ODF4: variants seen among roughly 807,000 people sequenced by gnomAD.
ODF4 encodes the protein outer dense fiber of sperm tails 4.
ODF4 carries 11 observed loss-of-function variants against 17.0 expected under a neutral mutation model. The ratio of observed to expected loss-of-function variants is 0.65; its 90% confidence interval spans 0.41 to 1.07. The LOEUF is 1.07. ODF4 is among the 50% of genes least tolerant of loss of function. The pLI is 0.00. For synonymous variants in ODF4, 127 were observed against 121.8 expected (o/e 1.04, Z -0.28); for missense variants, 281 against 310.2 (o/e 0.91, Z 0.71).
rs539649107 is a variant in ODF4 at position 8,344,528 on chromosome 17, C to A, written c.455-815C>A. ...GTTTTTTGTTTTTTGCAGGCGGCGTCTCGCTCTGTTGCCCAGGCTGGAGTG... is the reference window on the plus strand; with the variant it reads ...GTTTTTTGTTTTTTGCAGGCGGCGTATCGCTCTGTTGCCCAGGCTGGAGTG... On this transcript the variant is annotated intron_variant, in intron 1 of 2. Transcript: ENST00000328248. Among the ~76,000 whole-genome samples the A allele has an allele frequency of 1.6e-5, 2 of 126,850 alleles. 1 individual carries two copies. Among genetic ancestry groups the A allele is most frequent in the East Asian group, 4.5e-4 (2 of 4,410 alleles). The allele number at this position is 126,850 out of a possible 152,430, so 83.2% of individuals were successfully genotyped here.
chr17:8,344,857 T>C, intron 1 of ODF4: 2 of 986,580 alleles, frequency 2.0e-6, no homozygotes, highest in Non-Finnish European at 2.4e-6. Context: ...TCTTGTTTGT[T>C]TGTCATTTTC....
intron 1 of ODF4, among the ~76,000 whole-genome samples, chr17:8,343,850 CTA>C (rs1441272929): frequency 3.0e-5 from 3 of 101,164 alleles, no homozygotes; most frequent in Non-Finnish European, 3.9e-5. Context: ...GTGTGTGTGT[CTA>C]TATATATATA....
Position 8,340,127 on chromosome 17 carries a change from GA to G in ODF4, c.79del (p.Arg27GlyfsTer121). On this transcript the variant is annotated frameshift_variant, in exon 1 of 3. Transcript: ENST00000328248. LOFTEE classifies it high-confidence loss of function. ...AGACCAACATCAGAGACCTGGAAAG[GA>G]AAGGAAGAGTGGGGAGGCAGGATGG... ...ERDQHQRPGK[E>X]RKSGEAGWGT... 6.4e-7 allele frequency: 1 copy of G among 1,556,446 alleles called. No individual in the cohort carries two copies. Among genetic ancestry groups the G allele is most frequent in the Non-Finnish European group, 8.7e-7 (1 of 1,153,382 alleles).
In ODF4 at chr17:8,345,485, G is replaced by A. The variant is rs1168959525; in HGVS notation, c.589+8G>A. On this transcript the variant is annotated splice_region_variant and intron_variant, in intron 2 of 2. Coordinates refer to ENST00000328248, the MANE Select transcript of ODF4 (RefSeq NM_153007.5). This position sits in a 1 kb window ranked among gnomAD's most constrained non-coding sequence, Gnocchi z 4.1. ...TCCTATACTTCACCTGCGGTGAGTG[G>A]CCAGAGGGCCCTGGGGGAAGGAAGC... 1.2e-6 allele frequency: 2 copies of A among 1,613,574 alleles called. No homozygotes were observed. The highest frequency in any genetic ancestry group is 1.7e-4 in the Middle Eastern group (1 of 6,048).
In ODF4 at chr17:8,340,062, A is replaced by T. The variant is rs1905941615; in HGVS notation, c.11A>T (p.Glu4Val). ...GAAGTGGTGCTCAAGATGGATGCAG[A>T]GTACTCTGGGAATGAGTTCCCCAGG... MDA[E>V]YSGNEFPRSE... The change falls in exon 1 of 3, where the codon GAG (glutamate) becomes GTG (valine). Residue 4 changes from glutamate (E) to valine (V), a missense_variant. By Grantham distance (121) the Glu-to-Val change is moderately radical. Coordinates refer to ENST00000328248, the MANE Select transcript of ODF4 (RefSeq NM_153007.5). 3 of 1,518,360 alleles carry T rather than the reference A, an allele frequency of 2.0e-6. No homozygotes were observed. The highest frequency in any genetic ancestry group is 2.6e-6 in the Non-Finnish European group (3 of 1,134,562). 94.1% of individuals were successfully genotyped at this position (1,518,360 alleles called of 1,614,324 possible). A position where few individuals can be genotyped will look rare whatever the true frequency, so the allele number is the denominator to read the frequency against.
At position 8,340,200 on chromosome 17, in the gene ODF4, T is replaced by G; in HGVS notation, c.149T>G (p.Leu50Arg). The G allele has an allele frequency of 6.2e-7, 1 of 1,611,852 alleles. No homozygotes were observed. The highest frequency in any genetic ancestry group is 8.5e-7 in the Non-Finnish European group (1 of 1,178,486). The change falls in exon 1 of 3, where the codon CTC (leucine) becomes CGC (arginine). Residue 50 changes from leucine (L) to arginine (R), a missense_variant. Coordinates refer to ENST00000328248, the MANE Select transcript of ODF4 (RefSeq NM_153007.5). ...GQDGRLLSST[L>R]SLSSNRSLGQ... ...GATGGGAGACTGCTGTCCTCCACCCTCTCCCTCAGTAGTAACAGGTCCTTG... is the reference window on the plus strand; with the variant it reads ...GATGGGAGACTGCTGTCCTCCACCCGCTCCCTCAGTAGTAACAGGTCCTTG...
Position 8,345,866 on chromosome 17 carries a change from C to T in ODF4, c.*14C>T. The stretch of plus-strand genomic sequence containing the variant: ...ACACATGTGTAATCTTTTCTGAACT[C>T]CTGGCACCAAGTTCTGTCCATTCAT... On this transcript the variant is annotated 3_prime_UTR_variant, in exon 3 of 3. Transcript: ENST00000328248. The surrounding 1 kb of genome is among the most constrained non-coding windows in gnomAD (Gnocchi z 4.1). 6.2e-7 allele frequency: 1 copy of T among 1,609,440 alleles called. No individual in the cohort carries two copies. The highest frequency in any genetic ancestry group is 8.5e-7 in the Non-Finnish European group (1 of 1,176,190).
In ODF4 at chr17:8,340,380, G is replaced by T. The variant is rs1905960649; in HGVS notation, c.329G>T (p.Ser110Ile). Residue 110 changes from serine (S) to isoleucine (I), a missense_variant, in exon 1 of 3, where the codon AGC becomes ATC. Physicochemically the swap from Ser to Ile is moderately radical, Grantham distance 142. Transcript: ENST00000328248. ...FSKKWLDLSR[S>I]LFYQRWPVDV... ...AAGAAATGGCTGGACCTCTCTAGGA[G>T]CCTCTTCTACCAGCGCTGGCCCGTG... 2 of 1,613,474 alleles carry T rather than the reference G, an allele frequency of 1.2e-6. No homozygotes were observed. Among genetic ancestry groups the T allele is most frequent in the Admixed American group, 1.7e-5 (1 of 59,934 alleles).
In ODF4 at chr17:8,345,627, C is replaced by T; in HGVS notation, c.590-41C>T. The T allele has an allele frequency of 6.3e-7, 1 of 1,579,776 alleles. No individual in the cohort carries two copies. The highest frequency in any genetic ancestry group is 8.7e-7 in the Non-Finnish European group (1 of 1,151,088). On this transcript the variant is annotated intron_variant, in intron 2 of 2. Transcript: ENST00000328248. The surrounding 1 kb of genome is among the most constrained non-coding windows in gnomAD (Gnocchi z 4.1). ...TCACCCTACTTGTCACTTAACCTCC[C>T]AGTCACAACTTTCCTCTCCCCTGTC...
intron 1 of ODF4, among the ~76,000 whole-genome samples, chr17:8,341,980 G>A (rs559284555): frequency 1.3e-5 from 2 of 152,158 alleles, no homozygotes; most frequent in East Asian, 1.9e-4. Flanking sequence ...CAATCCTAAG[G>A]GATAGGGATA....
chr17:8,344,154 G>A (rs1479571214), intron 1 of ODF4, among the ~76,000 whole-genome samples: 2 of 125,862 alleles, frequency 1.6e-5, no homozygotes, highest in South Asian at 2.4e-4. Context: ...AAACCCTCAG[G>A]CTCAAGAGAT....
At chr17:8,340,701 A>G (rs1361961268) in intron 1 of ODF4, among the ~76,000 whole-genome samples, 196 bp downstream of exon 1, 1 of 152,084 alleles carries the variant, frequency 6.6e-6, no homozygotes, top group Non-Finnish European at 1.5e-5. Flanking sequence ...GATTGGTGCA[A>G]TGGAAAATGT....
rs371878196 is a variant in ODF4 at position 8,345,692 on chromosome 17, A to G, written c.614A>G (p.Lys205Arg). The change falls in exon 3 of 3, where the codon AAA becomes AGA. Residue 205 changes from lysine to arginine, a missense_variant. Transcript: ENST00000328248. This position sits in a 1 kb window ranked among gnomAD's most constrained non-coding sequence, Gnocchi z 4.1. ...TCAILCYFNHKSFWSLILSHP... is the reference protein window; with the variant it reads ...TCAILCYFNHRSFWSLILSHP... ...GCGATCCTTTGCTACTTCAACCATAAAAGTTTCTGGAGTCTGATTCTGAGC... is the reference window on the plus strand; with the variant it reads ...GCGATCCTTTGCTACTTCAACCATAGAAGTTTCTGGAGTCTGATTCTGAGC... 1.2e-6 allele frequency: 2 copies of G among 1,613,946 alleles called. No homozygotes were observed. Among genetic ancestry groups the G allele is most frequent in the Admixed American group, 1.7e-5 (1 of 59,992 alleles).
intron 1 of ODF4, among the ~76,000 whole-genome samples, chr17:8,341,665 T>C (rs7218192): frequency 0.35 from 52,563 of 151,746 alleles, 9,451 homozygotes; most frequent in African/African-American, 0.45. Context: ...TGGTTCTTAT[T>C]GTTGTTAGTC....
intron 1 of ODF4, among the ~76,000 whole-genome samples, chr17:8,342,252 T>C (rs1906050126): frequency 6.6e-6 from 1 of 151,948 alleles, no homozygotes; most frequent in Admixed American, 6.6e-5. Context: ...TTTTTATTTA[T>C]TTATTTATTT....
rs1906183164 is a variant in ODF4 at position 8,345,141 on chromosome 17, G to A, written c.455-202G>A. 5.0e-6 allele frequency: 4 copies of A among 795,684 alleles called. No homozygotes were observed. In the East Asian group the frequency reaches 1.1e-4, roughly 22 times the overall value. The allele number at this position is 795,684 out of a possible 1,614,324, so 49.3% of individuals were successfully genotyped here. A position where few individuals can be genotyped will look rare whatever the true frequency, so the allele number is the denominator to read the frequency against. The stretch of plus-strand genomic sequence containing the variant: ...GGGGTGGTATGAGGGTTTTGTGGGT[G>A]GTGGGAGAACAGAACCGAGAATCGA... On this transcript the variant is annotated intron_variant, in intron 1 of 2. Transcript: ENST00000328248. The surrounding 1 kb of genome is among the most constrained non-coding windows in gnomAD (Gnocchi z 4.1).
rs61128515 is a variant in ODF4, at chr17:8,343,815, AGTGTGTGTGTGT to A, written c.455-1505_455-1494del. Reference sequence around the variant, plus strand: ...AGGTGTGAGCCACCGCACCCAGCCAAGTGTGTGTGTGTGTGTGTGTGTGTGTGTGTGTGTCTA... The same window carrying A: ...AGGTGTGAGCCACCGCACCCAGCCAAGTGTGTGTGTGTGTGTGTGTGTCTA... On this transcript the variant is annotated intron_variant, in intron 1 of 2. Transcript: ENST00000328248. Among the ~76,000 whole-genome samples the A allele has an allele frequency of 3.3e-5, 3 of 90,634 alleles. 1 individual carries two copies. The highest frequency in any genetic ancestry group is 6.6e-5 in the Non-Finnish European group (3 of 45,662). The allele number at this position is 90,634 out of a possible 152,430, so 59.5% of individuals were successfully genotyped here. A position where few individuals can be genotyped will look rare whatever the true frequency, so the allele number is the denominator to read the frequency against.
At position 8,340,399 on chromosome 17, in the gene ODF4, G is replaced by T. The variant is rs765297680; in HGVS notation, c.348G>T (p.Trp116Cys). ...DLSRSLFYQR[W>C]PVDVSNRIHT... ...CTAGGAGCCTCTTCTACCAGCGCTG[G>T]CCCGTGGATGTCAGCAACAGAATCC... Residue 116 changes from tryptophan (W) to cysteine (C), a missense_variant, in exon 1 of 3, where the codon TGG becomes TGT. Trp to Cys is a radical substitution (Grantham distance 215). Transcript: ENST00000328248. The T allele has an allele frequency of 1.2e-6, 2 of 1,613,438 alleles. No homozygotes were observed. The highest frequency in any genetic ancestry group is 2.2e-5 in the South Asian group (2 of 91,016).
In ODF4 at chr17:8,340,340, G is replaced by A; in HGVS notation, c.289G>A (p.Val97Ile). The change falls in exon 1 of 3, where the codon GTC becomes ATC. Residue 97 changes from valine to isoleucine, a missense_variant. By Grantham distance (29) the Val-to-Ile change is conservative. Coordinates refer to ENST00000328248, the MANE Select transcript of ODF4 (RefSeq NM_153007.5). ...CCTGGTTGCCTTTATCCTACTATTGGTCGTGGCCTTCTCCAAGAAATGGCT... is the reference window on the plus strand; with the variant it reads ...CCTGGTTGCCTTTATCCTACTATTGATCGTGGCCTTCTCCAAGAAATGGCT... ...LSLVAFILLLVVAFSKKWLDL... is the reference protein window; with the variant it reads ...LSLVAFILLLIVAFSKKWLDL... 16 of 1,612,992 alleles carry A rather than the reference G, an allele frequency of 9.9e-6. No homozygotes were observed. Among genetic ancestry groups the A allele is most frequent in the Non-Finnish European group, 1.4e-5 (16 of 1,179,542 alleles).
Sources: gnomAD v4.1 joint callset for allele counts (sites outside exome capture counted in the v4.1 genomes callset) on GRCh38, gnomAD v4.1.1 for gene constraint, Gnocchi (gnomAD v3.1) non-coding constraint, MANE v1.5 for transcripts, NCBI Gene and HGNC (gene_info 2026-07-23, HGNC 2026-07-21) for gene names.